SPA17: variants seen among roughly 807,000 people sequenced by gnomAD.
The protein encoded by SPA17 is sperm autoantigenic protein 17, also known as sperm surface protein Sp17.
In SPA17, 7 loss-of-function variants were observed where a neutral mutation model predicts 13.8. The ratio of observed to expected loss-of-function variants is 0.51; its 90% CI spans 0.29 to 0.95. The LOEUF (loss-of-function observed/expected upper bound fraction) is 0.95. SPA17 is among the 40% of genes least tolerant of loss of function. The pLI, the probability that SPA17 is intolerant of heterozygous loss-of-function variation, is 0.08. For missense variants in SPA17, 170 were observed against 179.3 expected, an observed-to-expected ratio of 0.95 and a Z score of 0.30; for synonymous variants, 61 against 59.0, an observed-to-expected ratio of 1.03 and a Z score of -0.16.
intron 3 of SPA17, among the ~76,000 whole-genome samples, chr11:124,685,972 T>G (rs962594134): frequency 6.6e-6 from 1 of 152,264 alleles, no homozygotes; most frequent in South Asian, 2.1e-4. Context: ...GACTTTGAAC[T>G]TGGACTTTTG....
chr11:124,681,733 G>C (rs192312095), intron 3 of SPA17, among the ~76,000 whole-genome samples: 169 of 152,068 alleles, frequency 1.1e-3, no homozygotes, highest in African/African-American at 3.9e-3. Context: ...AAGTATCTGA[G>C]TCATGTACAG....
chr11:124,674,608 C>G (rs930406749), intron 1 of SPA17: 2 of 152,130 alleles, frequency 1.3e-5, no homozygotes, highest in African/African-American at 4.8e-5. Context: ...AAGAAGAAAC[C>G]GAAAAATATA....
intron 3 of SPA17, among the ~76,000 whole-genome samples, chr11:124,688,638 C>A (rs1943597044): frequency 6.6e-6 from 1 of 152,142 alleles, no homozygotes; most frequent in Admixed American, 6.5e-5. Flanking sequence ...GAATTAATAT[C>A]TTTAAAATGA....
At position 124,694,875 on chromosome 11, in the gene SPA17, TTAGAA is replaced by T. The variant is rs1179240462; in HGVS notation, c.*430_*434del. On this transcript the variant is annotated 3_prime_UTR_variant, in exon 5 of 5. Transcript: ENST00000227135. Reference sequence around the variant, plus strand: ...GATAGTCTATTTAATTTTGGAATTTTTAGAAAGATAAGCTGGGACAAAAATCTGCC... The same window carrying T: ...GATAGTCTATTTAATTTTGGAATTTTAGATAAGCTGGGACAAAAATCTGCC... The T allele has an allele frequency of 6.5e-6, 1 of 152,916 alleles. No homozygotes were observed. 9.5% of individuals were successfully genotyped at this position (152,916 alleles called of 1,614,324 possible).
intron 3 of SPA17, among the ~76,000 whole-genome samples, chr11:124,685,972 T>A (rs962594134): frequency 2.6e-5 from 4 of 152,146 alleles, no homozygotes; most frequent in Non-Finnish European, 5.9e-5. Context: ...GACTTTGAAC[T>A]TGGACTTTTG....
At chr11:124,681,580 A>T in intron 3 of SPA17, 121 bp downstream of exon 3, 1 of 378,482 alleles carries the variant, frequency 2.6e-6, no homozygotes, top group Non-Finnish European at 4.5e-6. Context: ...TAACTTATTA[A>T]ATCTTATTAA....
In SPA17 at chr11:124,695,804, T is replaced by G. The variant is rs1943666351; in HGVS notation, c.*1358T>G. 1 of 152,250 alleles carries G rather than the reference T, an allele frequency of 6.6e-6. No homozygotes were observed. The highest frequency in any genetic ancestry group is 2.4e-5 in the African/African-American group (1 of 41,452). 9.4% of individuals were successfully genotyped at this position (152,250 alleles called of 1,614,324 possible). On this transcript the variant is annotated 3_prime_UTR_variant, in exon 5 of 5. Transcript: ENST00000227135. ...AAGCTTAAAAACAAGCCAGGATGGC[T>G]CAGTCCTGAGGAGATTCTAAAACCA...
intron 3 of SPA17, among the ~76,000 whole-genome samples, chr11:124,688,779 A>G (rs563600231): frequency 8.5e-5 from 13 of 152,372 alleles, no homozygotes; most frequent in East Asian, 3.9e-4. Context: ...AGCCAAAGCA[A>G]TCCTTAACAG....
chr11:124,693,971 C>T (rs1198158038), intron 4 of SPA17, among the ~76,000 whole-genome samples: 1 of 152,076 alleles, frequency 6.6e-6, no homozygotes, highest in Non-Finnish European at 1.5e-5. Context: ...AACATTTTTA[C>T]CATGCCTCAA....
intron 3 of SPA17, 117 bp downstream of exon 3, chr11:124,681,576 AT>A: frequency 8.0e-6 from 3 of 374,056 alleles, no homozygotes; most frequent in Non-Finnish European, 1.4e-5. Flanking sequence ...CAAATAACTT[AT>A]TAAATCTTAT....
intron 3 of SPA17, among the ~76,000 whole-genome samples, chr11:124,690,866 A>C (rs1943617740): frequency 1.3e-5 from 2 of 152,316 alleles, no homozygotes; most frequent in East Asian, 3.9e-4. Flanking sequence ...CACTTATTAC[A>C]CAAGTTTGAA....
At chr11:124,689,820 TAGA>T (rs1435586042) in intron 3 of SPA17, among the ~76,000 whole-genome samples, 1 of 152,030 alleles carries the variant, frequency 6.6e-6, no homozygotes, top group Non-Finnish European at 1.5e-5. Context: ...AGAGATTTTT[TAGA>T]AGAAGACATA....
intron 3 of SPA17, among the ~76,000 whole-genome samples, chr11:124,690,404 C>T (rs1943614269): frequency 6.6e-6 from 1 of 151,976 alleles, no homozygotes; most frequent in South Asian, 2.1e-4. Context: ...TAAGTGGGTG[C>T]TGAAAAAATG....
Position 124,673,916 on chromosome 11 carries a change from A to C in SPA17, c.-64A>C. ...ACGGTTACCCAGCAACTAGAAAAACAACCGGAACCGGCGGCACCAGCTCGG... is the reference window on the plus strand; with the variant it reads ...ACGGTTACCCAGCAACTAGAAAAACCACCGGAACCGGCGGCACCAGCTCGG... On this transcript the variant is annotated 5_prime_UTR_variant, in exon 1 of 5. Coordinates refer to ENST00000227135, the MANE Select transcript of SPA17 (RefSeq NM_017425.4). The C allele has an allele frequency of 1.7e-6, 1 of 592,984 alleles. No homozygotes were observed. Among genetic ancestry groups the C allele is most frequent in the Non-Finnish European group, 3.0e-6 (1 of 337,240 alleles). 36.7% of individuals were successfully genotyped at this position (592,984 alleles called of 1,614,324 possible).
chr11:124,686,814 G>T (rs1943582611), intron 3 of SPA17, among the ~76,000 whole-genome samples: 1 of 152,114 alleles, frequency 6.6e-6, no homozygotes, highest in African/African-American at 2.4e-5. Flanking sequence ...TAAGAGAGAA[G>T]TTGATAGCAA....
chr11:124,697,219 G>C lies in SPA17; in HGVS notation c.*2773G>C, dbSNP rs567638889. 3.9e-5 allele frequency: 6 copies of C among 152,268 alleles called. No homozygotes were observed. The highest frequency in any genetic ancestry group is 3.3e-4 in the Admixed American group (5 of 15,298). 9.4% of individuals were successfully genotyped at this position (152,268 alleles called of 1,614,324 possible). A position where few individuals can be genotyped will look rare whatever the true frequency, so the allele number is the denominator to read the frequency against. Reference sequence around the variant, plus strand: ...CTGCACAACCCATTCCAAAGTTAGTGGTTTAAGACAATTATATTTTCTCCT... The same window carrying C: ...CTGCACAACCCATTCCAAAGTTAGTCGTTTAAGACAATTATATTTTCTCCT... On this transcript the variant is annotated 3_prime_UTR_variant, in exon 5 of 5. Coordinates refer to ENST00000227135, the MANE Select transcript of SPA17 (RefSeq NM_017425.4).
In SPA17 at chr11:124,690,300, G is replaced by A. The variant is rs545635634; in HGVS notation, c.226-1396G>A. On this transcript the variant is annotated intron_variant, in intron 3 of 4. Coordinates refer to ENST00000227135, the MANE Select transcript of SPA17 (RefSeq NM_017425.4). The stretch of plus-strand genomic sequence containing the variant: ...TTCAGCCATAATACAGAATGAAGTC[G>A]TGTCTTTTCCAGCAACATGGATGAA... Among the ~76,000 whole-genome samples, 6 of 152,158 alleles carry A rather than the reference G, an allele frequency of 3.9e-5. No homozygotes were observed. The South Asian group carries it at 6.2e-4, about 16-fold the overall frequency.
chr11:124,694,838 C>A lies in SPA17; in HGVS notation c.*392C>A, dbSNP rs575959972. On this transcript the variant is annotated 3_prime_UTR_variant, in exon 5 of 5. Coordinates refer to ENST00000227135, the MANE Select transcript of SPA17 (RefSeq NM_017425.4). The stretch of plus-strand genomic sequence containing the variant: ...TCACTCCTAGTGGTAAAGAATTTCA[C>A]TGCTTTTTAAGGATAGTCTATTTAA... 6.5e-6 allele frequency: 1 copy of A among 154,548 alleles called. No homozygotes were observed. The highest frequency in any genetic ancestry group is 2.0e-4 in the South Asian group (1 of 4,896). 9.6% of individuals were successfully genotyped at this position (154,548 alleles called of 1,614,324 possible).
At chr11:124,679,149 A>G (rs1198106410) in intron 2 of SPA17, among the ~76,000 whole-genome samples, 1 of 152,020 alleles carries the variant, frequency 6.6e-6, no homozygotes, top group African/African-American at 2.4e-5. Flanking sequence ...AAAAAAAAAA[A>G]AGCAATTTCT....
Sources: allele counts gnomAD v4.1 joint callset (sites outside exome capture counted in the v4.1 genomes callset), GRCh38; gene constraint gnomAD v4.1.1; transcripts MANE v1.5; gene names NCBI Gene and HGNC (gene_info 2026-07-23, HGNC 2026-07-21).